The following ATAD1 variants were observed in gnomAD, a reference collection of about 807,000 sequenced individuals.
ATAD1 encodes ATPase family AAA domain containing 1.
ATAD1 carries 18 observed loss-of-function variants against 42.7 expected under a neutral mutation model. The ratio of observed to expected loss-of-function variants is 0.42; its 90% CI spans 0.29 to 0.63. The LOEUF is 0.63. Among genes scored for constraint, ATAD1 ranks in the 20% least tolerant of loss-of-function variants. The pLI is 0.19. For missense variants in ATAD1, 294 were observed against 440.4 expected (o/e 0.67, Z 2.98); for synonymous variants, 132 against 143.1 (o/e 0.92, Z 0.55).
At chr10:87,759,923 T>A (rs1034252087) in intron 8 of ATAD1, 2 of 225,724 alleles carry the variant, frequency 8.9e-6, no homozygotes, top group African/African-American at 4.6e-5. Context: ...AGCTTTTAGA[T>A]AAACCATGAA....
chr10:87,775,694 A>G (rs1026021180), intron 6 of ATAD1, among the ~76,000 whole-genome samples: 2 of 152,134 alleles, frequency 1.3e-5, no homozygotes, highest in African/African-American at 4.8e-5. Flanking sequence ...CCTGAAGAGG[A>G]AAACTGAAAA....
At chr10:87,823,668 T>C (rs1216757207) in intron 1 of ATAD1, among the ~76,000 whole-genome samples, 1 of 152,188 alleles carries the variant, frequency 6.6e-6, no homozygotes, top group Admixed American at 6.5e-5. Context: ...TAACAACAGA[T>C]TGATAGATGA....
chr10:87,765,341 G>A (rs1854689222), intron 8 of ATAD1, among the ~76,000 whole-genome samples: 1 of 152,074 alleles, frequency 6.6e-6, no homozygotes, highest in African/African-American at 2.4e-5. Flanking sequence ...GGGATAAAGA[G>A]GAATACCACG....
rs183764015 is a variant in ATAD1 at position 87,839,520 on chromosome 10, A to G, written c.-14+1667T>C. On this transcript the variant is annotated intron_variant, in intron 1 of 4. Coordinates refer to the ATAD1 transcript ENST00000495903. ...AATAAATTTTTATCTAATAGTAAAC[A>G]GAACATGAGTAATTCTTGACCATCA... is the stretch of plus-strand genomic sequence containing the variant. 3.2e-3 allele frequency among the ~76,000 whole-genome samples: 488 copies of G among 152,390 alleles called. 3 individuals carry two copies. The highest frequency in any genetic ancestry group is 0.018 in the South Asian group (85 of 4,834).
At chr10:87,840,569 C>T (rs1161737007) in intron 1 of ATAD1, among the ~76,000 whole-genome samples, 1 of 152,160 alleles carries the variant, frequency 6.6e-6, no homozygotes, top group African/African-American at 2.4e-5. Flanking sequence ...TAGGAGTGCA[C>T]ATTTGAGGGA....
intron 2 of ATAD1, among the ~76,000 whole-genome samples, chr10:87,805,026 C>G (rs181806729): frequency 2.0e-4 from 31 of 152,322 alleles, no homozygotes; most frequent in Non-Finnish European, 3.8e-4. Flanking sequence ...TTCCAGGATA[C>G]TGTTTCTGAT....
chr10:87,798,245 A>G (rs1856493664), intron 2 of ATAD1, among the ~76,000 whole-genome samples: 1 of 152,118 alleles, frequency 6.6e-6, no homozygotes, highest in Admixed American at 6.5e-5. Flanking sequence ...TCCACACATA[A>G]AAACCCTAGG....
chr10:87,804,100 T>C (rs1339647291), intron 2 of ATAD1, among the ~76,000 whole-genome samples: 3 of 152,210 alleles, frequency 2.0e-5, no homozygotes, highest in African/African-American at 4.8e-5. Flanking sequence ...CATTCTGTGA[T>C]AGCTGCTCTT....
chr10:87,818,048 G>C (rs1564785487), intron 1 of ATAD1, 119 bp downstream of exon 1: 1 of 985,608 alleles, frequency 1.0e-6, no homozygotes, highest in African/African-American at 1.7e-5. Flanking sequence ...GAGGTAGGGC[G>C]TGGGAGAAGA....
chr10:87,825,348 C>T (rs1178073076), intron 1 of ATAD1, among the ~76,000 whole-genome samples: 8 of 140,294 alleles, frequency 5.7e-5, no homozygotes, highest in Non-Finnish European at 9.0e-5. Context: ...CTTGCTCAGT[C>T]GCCCAGGCTG....
intron 8 of ATAD1, among the ~76,000 whole-genome samples, chr10:87,766,044 G>GA (rs1176578535): frequency 4.7e-5 from 7 of 149,124 alleles, no homozygotes; most frequent in Non-Finnish European, 7.4e-5. Flanking sequence ...TCACAAAAAA[G>GA]AAAAAAAACA....
intron 4 of ATAD1, among the ~76,000 whole-genome samples, chr10:87,786,880 G>A (rs550516482): frequency 3.3e-5 from 5 of 152,190 alleles, no homozygotes; most frequent in East Asian, 3.9e-4. Flanking sequence ...TCTTAAACCC[G>A]GGAGGCAGAG....
intron 4 of ATAD1, among the ~76,000 whole-genome samples, chr10:87,789,909 C>A (rs556607880): frequency 2.0e-5 from 3 of 152,078 alleles, no homozygotes; most frequent in African/African-American, 4.8e-5. Flanking sequence ...ATAAATATTT[C>A]CTGAAAAAGA....
At chr10:87,776,503 C>G (rs547968324) in intron 5 of ATAD1, 76 bp from the exon 6 acceptor site, 2 of 1,226,934 alleles carry the variant, frequency 1.6e-6, no homozygotes, top group African/African-American at 1.5e-5. Context: ...GGGTCTCACT[C>G]TGTTGCCCAG....
At chr10:87,836,345 C>T (rs1453995689) in intron 1 of ATAD1, among the ~76,000 whole-genome samples, 2 of 152,176 alleles carry the variant, frequency 1.3e-5, no homozygotes, top group Non-Finnish European at 2.9e-5. Context: ...GAAGAACTTC[C>T]ATTAGTAATT....
intron 8 of ATAD1, among the ~76,000 whole-genome samples, chr10:87,757,809 G>A (rs570520517): frequency 6.6e-6 from 1 of 152,022 alleles, no homozygotes; most frequent in Non-Finnish European, 1.5e-5. Flanking sequence ...ATTTGTATAC[G>A]TGGAAGACAC....
At chr10:87,764,464 AAAAC>A (rs899316828) in intron 8 of ATAD1, among the ~76,000 whole-genome samples, 13 of 152,288 alleles carry the variant, frequency 8.5e-5, no homozygotes, top group Middle Eastern at 3.4e-3. Context: ...TCCGTCACAA[AAAAC>A]AAACAAACAA....
At position 87,772,966 on chromosome 10, in the gene ATAD1, T is replaced by C. The variant is rs540402667; in HGVS notation, c.691-1925A>G. On this transcript the variant is annotated intron_variant, in intron 6 of 9. Transcript: ENST00000680024. ...TTGTTCAAACTTTTAAAAAAATCTT[T>C]ATTTTCTGTTCCTGCCTTCATTTGC... 2.0e-5 allele frequency among the ~76,000 whole-genome samples: 3 copies of C among 152,308 alleles called. No individual in the cohort carries two copies. In the South Asian group the frequency reaches 6.2e-4, roughly 32 times the overall value.
chr10:87,789,005 G>T (rs1054143277), intron 4 of ATAD1, among the ~76,000 whole-genome samples: 2 of 152,110 alleles, frequency 1.3e-5, no homozygotes, highest in Admixed American at 1.3e-4. Context: ...AAAAGAACAT[G>T]TCATTTTTGC....
Sources: gnomAD v4.1 joint callset for allele counts (sites outside exome capture counted in the v4.1 genomes callset) on GRCh38, gnomAD v4.1.1 for gene constraint, MANE v1.5 for transcripts, NCBI Gene and HGNC (gene_info 2026-07-23, HGNC 2026-07-21) for gene names.